Variants in MED27 observed in about 807,000 individuals in gnomAD.
The protein encoded by MED27 is mediator of RNA polymerase II transcription subunit 27.
MED27 carries 30 observed loss-of-function variants against 38.2 expected under a neutral mutation model. The ratio of observed to expected loss-of-function variants is 0.79; its 90% CI spans 0.59 to 1.07. The LOEUF is 1.07. MED27 is among the 50% of genes least tolerant of loss of function. MED27 has a pLI of 0.00. For missense variants in MED27, 289 were observed against 397.5 expected (o/e 0.73, Z 2.32); for synonymous variants, 122 against 153.5 (o/e 0.79, Z 1.52).
intron 4 of MED27, among the ~76,000 whole-genome samples, chr9:131,915,225 T>C (rs1377322301): frequency 6.6e-6 from 1 of 152,150 alleles, no homozygotes; most frequent in African/African-American, 2.4e-5. Context: ...CAAGAAGGGA[T>C]AGCCAGTGAA....
At chr9:132,020,080 A>G (rs561658657) in intron 2 of MED27, among the ~76,000 whole-genome samples, 35 of 152,322 alleles carry the variant, frequency 2.3e-4, no homozygotes, top group African/African-American at 7.7e-4. Flanking sequence ...TCATCAGAAA[A>G]TCTAAATTCC....
chr9:131,980,865 C>T (rs998651253), intron 3 of MED27, among the ~76,000 whole-genome samples: 5 of 152,110 alleles, frequency 3.3e-5, no homozygotes, highest in Non-Finnish European at 7.3e-5. Flanking sequence ...AGCATAGACA[C>T]AGTTGAATTT....
intron 2 of MED27, among the ~76,000 whole-genome samples, chr9:132,040,255 G>T (rs1228850916): frequency 1.3e-5 from 2 of 152,184 alleles, no homozygotes; most frequent in Admixed American, 6.5e-5. Context: ...CTGCGGCGGG[G>T]AAATGAATTA....
intron 5 of MED27, among the ~76,000 whole-genome samples, chr9:131,891,057 C>T (rs1181844706): frequency 6.6e-6 from 1 of 152,086 alleles, no homozygotes; most frequent in Non-Finnish European, 1.5e-5. Flanking sequence ...AGAGGCAAAC[C>T]CAGGTCGGCC....
chr9:132,040,246 T>C lies in MED27; in HGVS notation c.349-25779A>G, dbSNP rs2131118371. ...CCACCAGGGGCCTCAGTCTCTTCCC[T>C]GCGGCGGGGAAATGAATTATTAAAA... On this transcript the variant is annotated intron_variant, in intron 2 of 7. Transcript: ENST00000292035. 3.3e-5 allele frequency among the ~76,000 whole-genome samples: 5 copies of C among 152,342 alleles called. No homozygotes were observed. In the Middle Eastern group the frequency reaches 0.01, roughly 311 times the overall value.
At chr9:132,065,943 T>C (rs959153380) in intron 2 of MED27, among the ~76,000 whole-genome samples, 1 of 152,244 alleles carries the variant, frequency 6.6e-6, no homozygotes, top group Admixed American at 6.5e-5. Context: ...CAGCATGGCC[T>C]TGGACAAGTC....
intron 4 of MED27, among the ~76,000 whole-genome samples, chr9:131,898,969 G>C (rs1244158052): frequency 6.6e-6 from 1 of 152,208 alleles, no homozygotes; most frequent in Admixed American, 6.5e-5. Context: ...TCTGCTGTTG[G>C]AAAGCCTGGC....
In MED27 at chr9:131,963,346, T is replaced by A. The variant is rs866833634; in HGVS notation, c.480-23872A>T. Among the ~76,000 whole-genome samples the A allele has an allele frequency of 4.6e-4, 70 of 152,228 alleles. 1 individual carries two copies. In the Middle Eastern group the frequency reaches 0.017, roughly 37 times the overall value. On this transcript the variant is annotated intron_variant, in intron 3 of 7. Transcript: ENST00000292035. ...AAAATGGCCAGAAATTAAGTTTAGA[T>A]AATTTCAAGGGATATATTTCAAGTG...
At chr9:131,941,510 T>C (rs911243500) in intron 3 of MED27, among the ~76,000 whole-genome samples, 13 of 152,260 alleles carry the variant, frequency 8.5e-5, no homozygotes, top group Admixed American at 3.9e-4. Context: ...TTTAAAACTT[T>C]AAGCTGAAGA....
At chr9:131,873,719 G>T (rs868344905) in intron 6 of MED27, among the ~76,000 whole-genome samples, 1 of 152,350 alleles carries the variant, frequency 6.6e-6, no homozygotes, top group Admixed American at 6.5e-5. Context: ...TGGAACTGGA[G>T]AGGTGAAGGC....
intron 3 of MED27, among the ~76,000 whole-genome samples, chr9:131,991,090 C>A (rs548466366): frequency 6.6e-6 from 1 of 152,270 alleles, no homozygotes; most frequent in African/African-American, 2.4e-5. Context: ...TTTTCCCTTC[C>A]AAGACAACCT....
At chr9:132,070,311 T>A (rs1403580230) in intron 2 of MED27, among the ~76,000 whole-genome samples, 1 of 152,212 alleles carries the variant, frequency 6.6e-6, no homozygotes, top group Non-Finnish European at 1.5e-5. Context: ...ATCCCAGCAC[T>A]TTGGGAGGCC....
intron 3 of MED27, 121 bp downstream of exon 3, chr9:132,014,216 C>CA: frequency 8.6e-7 from 1 of 1,159,882 alleles, no homozygotes; most frequent in Non-Finnish European, 1.2e-6. Flanking sequence ...GACTCCGTCT[C>CA]AAAAAAAGGA....
At chr9:132,055,910 C>T (rs943461583) in intron 2 of MED27, among the ~76,000 whole-genome samples, 15 of 152,204 alleles carry the variant, frequency 9.9e-5, no homozygotes, top group African/African-American at 1.7e-4. Context: ...TGAAGCCTTA[C>T]AACAACCCAC....
intron 2 of MED27, among the ~76,000 whole-genome samples, chr9:132,024,978 C>T (rs1306995175): frequency 6.6e-6 from 1 of 151,898 alleles, no homozygotes; most frequent in Non-Finnish European, 1.5e-5. Context: ...CTATTTCTGT[C>T]GGTCTGTTTA....
chr9:132,070,554 C>G lies in MED27; in HGVS notation c.348+6888G>C, dbSNP rs1589302825. Among the ~76,000 whole-genome samples, 3 of 152,272 alleles carry G rather than the reference C, an allele frequency of 2.0e-5. No individual in the cohort carries two copies. In the East Asian group the frequency reaches 5.8e-4, roughly 29 times the overall value. ...CCTGGGCAACACAGCAAGACCCTGT[C>G]TCAAAAAAAGGCTAAAAATCCCAGA... On this transcript the variant is annotated intron_variant, in intron 2 of 7. Coordinates refer to ENST00000292035, the MANE Select transcript of MED27 (RefSeq NM_004269.4).
chr9:132,047,385 C>T (rs2131130250), intron 2 of MED27, among the ~76,000 whole-genome samples: 1 of 151,718 alleles, frequency 6.6e-6, no homozygotes, highest in East Asian at 1.9e-4. Context: ...GGTAACCTTA[C>T]AGTTTAAGGC....
At chr9:131,885,945 C>T (rs960918557) in intron 5 of MED27, among the ~76,000 whole-genome samples, 6 of 152,132 alleles carry the variant, frequency 3.9e-5, no homozygotes, top group African/African-American at 1.4e-4. Flanking sequence ...TGGGGGTTGG[C>T]CAGCGGTCAG....
intron 3 of MED27, among the ~76,000 whole-genome samples, chr9:131,978,694 A>C (rs981842470): frequency 1.3e-5 from 2 of 152,078 alleles, no homozygotes; most frequent in African/African-American, 4.8e-5. Flanking sequence ...AACAAAAAAA[A>C]CTCTTAAGAA....
Sources: gnomAD v4.1 joint callset for allele counts (sites outside exome capture counted in the v4.1 genomes callset) on GRCh38, gnomAD v4.1.1 for gene constraint, MANE v1.5 for transcripts, NCBI Gene and HGNC (gene_info 2026-07-23, HGNC 2026-07-21) for gene names.